BTBD7: variants seen among roughly 807,000 people sequenced by gnomAD.
BTBD7 encodes BTB/POZ domain-containing protein 7.
In BTBD7, 38 loss-of-function variants were observed where a neutral mutation model predicts 99.9. The ratio of observed to expected loss-of-function variants is 0.38; its 90% CI spans 0.29 to 0.50. The LOEUF (loss-of-function observed/expected upper bound fraction) is 0.50. BTBD7 is among the 20% of genes least tolerant of loss of function. BTBD7 has a pLI of 0.93. For missense variants in BTBD7, 1,170 were observed against 1,394.6 expected (o/e 0.84, Z 2.57); for synonymous variants, 520 against 511.4 (o/e 1.02, Z -0.23).
chr14:93,247,641 C>T (rs1044824370), intron 9 of BTBD7, among the ~76,000 whole-genome samples: 7 of 152,314 alleles, frequency 4.6e-5, no homozygotes, highest in African/African-American at 7.2e-5. Flanking sequence ...CCACTGCGCC[C>T]GGCCACATCC....
chr14:93,267,257 GA>G (rs928848307), intron 3 of BTBD7, among the ~76,000 whole-genome samples: 2 of 152,050 alleles, frequency 1.3e-5, no homozygotes, highest in African/African-American at 2.4e-5. Flanking sequence ...GATACAGTAG[GA>G]AAAAAAATGG....
At position 93,329,181 on chromosome 14, in the gene BTBD7, C is replaced by G. The variant is rs865876850; in HGVS notation, c.-107+3639G>C. Among the ~76,000 whole-genome samples the G allele has an allele frequency of 2.0e-5, 3 of 147,408 alleles. No individual in the cohort carries two copies. In the East Asian group the frequency reaches 5.9e-4, roughly 29 times the overall value. ...CATAAGTAACTTCCACACTCAACAA[C>G]AAAAAAAAATCCTAATTAGAAAACA... On this transcript the variant is annotated intron_variant, in intron 1 of 10. Coordinates refer to ENST00000334746, the MANE Select transcript of BTBD7 (RefSeq NM_001002860.4).
At chr14:93,313,578 AATG>A (rs1377810172) in intron 1 of BTBD7, among the ~76,000 whole-genome samples, 1 of 152,160 alleles carries the variant, frequency 6.6e-6, no homozygotes, top group Non-Finnish European at 1.5e-5. Context: ...CAAACTAGAA[AATG>A]ATGGAAATAC....
At chr14:93,267,609 T>G (rs1288480183) in intron 3 of BTBD7, among the ~76,000 whole-genome samples, 1 of 152,222 alleles carries the variant, frequency 6.6e-6, no homozygotes, top group Non-Finnish European at 1.5e-5. Flanking sequence ...CACCTGACTT[T>G]CACATGGATT....
In BTBD7 at chr14:93,239,925, T is replaced by G. The variant is rs2139664070; in HGVS notation, c.*2348A>C. Reference sequence around the variant, plus strand: ...AGTTTTTCTCCCCATCCAAATTAGGTCTGTTGAGTCTTACTTGCAGTACCG... The same window carrying G: ...AGTTTTTCTCCCCATCCAAATTAGGGCTGTTGAGTCTTACTTGCAGTACCG... On this transcript the variant is annotated 3_prime_UTR_variant, in exon 11 of 11. Coordinates refer to ENST00000334746, the MANE Select transcript of BTBD7 (RefSeq NM_001002860.4). 6.6e-6 allele frequency: 1 copy of G among 152,180 alleles called. No homozygotes were observed. The highest frequency in any genetic ancestry group is 2.1e-4 in the South Asian group (1 of 4,818). 9.4% of individuals were successfully genotyped at this position (152,180 alleles called of 1,614,324 possible). A position where few individuals can be genotyped will look rare whatever the true frequency, so the allele number is the denominator to read the frequency against.
intron 3 of BTBD7, among the ~76,000 whole-genome samples, chr14:93,279,608 C>T (rs946339428): frequency 6.6e-6 from 1 of 152,050 alleles, no homozygotes; most frequent in Admixed American, 6.6e-5. Flanking sequence ...AGTGCAGTGG[C>T]GTGATCCCAG....
chr14:93,306,706 T>C (rs1020996292), intron 1 of BTBD7, among the ~76,000 whole-genome samples: 6 of 152,188 alleles, frequency 3.9e-5, no homozygotes, highest in African/African-American at 9.6e-5. Flanking sequence ...CGCAAAGTTA[T>C]TTCTGGCATA....
intron 1 of BTBD7, among the ~76,000 whole-genome samples, chr14:93,303,429 C>A (rs1458212119): frequency 2.0e-5 from 3 of 150,680 alleles, no homozygotes; most frequent in African/African-American, 2.5e-5. Flanking sequence ...CATAGCAAGA[C>A]CCCATCTCAG....
intron 1 of BTBD7, among the ~76,000 whole-genome samples, chr14:93,322,699 C>T (rs1038438231): frequency 6.6e-6 from 1 of 152,174 alleles, no homozygotes; most frequent in African/African-American, 2.4e-5. Context: ...AAAAAGCTAA[C>T]AACCAGACAT....
At chr14:93,253,870 A>G in intron 6 of BTBD7, 80 bp from the exon 7 acceptor site, 1 of 592,236 alleles carries the variant, frequency 1.7e-6, no homozygotes, top group Non-Finnish European at 2.5e-6. Flanking sequence ...ATTTATAACT[A>G]TAAATAAAAA....
intron 3 of BTBD7, among the ~76,000 whole-genome samples, chr14:93,264,224 C>T (rs1013956589): frequency 6.6e-6 from 1 of 152,080 alleles, no homozygotes; most frequent in African/African-American, 2.4e-5. Context: ...GGCAGAGAAT[C>T]CTCCCAAGTT....
intron 1 of BTBD7, among the ~76,000 whole-genome samples, chr14:93,310,958 T>C (rs893346116): frequency 6.6e-6 from 1 of 152,038 alleles, no homozygotes; most frequent in Non-Finnish European, 1.5e-5. Context: ...ATTCTTTCTT[T>C]ATTCACTAGC....
chr14:93,271,351 T>G, intron 3 of BTBD7, among the ~76,000 whole-genome samples: 1 of 151,648 alleles, frequency 6.6e-6, no homozygotes, highest in Non-Finnish European at 1.5e-5. Flanking sequence ...CATATTGAGG[T>G]CGGGGTGGAA....
chr14:93,301,973 G>A (rs771628268), intron 1 of BTBD7, among the ~76,000 whole-genome samples: 5 of 152,216 alleles, frequency 3.3e-5, no homozygotes, highest in Non-Finnish European at 5.9e-5. Context: ...CGCAGGAATT[G>A]ACATCAGGGA....
intron 3 of BTBD7, among the ~76,000 whole-genome samples, chr14:93,273,923 G>C (rs1195317912): frequency 6.6e-6 from 1 of 152,160 alleles, no homozygotes; most frequent in Non-Finnish European, 1.5e-5. Flanking sequence ...ATCCTGTGTT[G>C]GATGAGGTGC....
Position 93,258,783 on chromosome 14 carries a change from C to G in BTBD7, c.1448-1428G>C, listed in dbSNP as rs1296187904. Among the ~76,000 whole-genome samples the G allele has an allele frequency of 2.0e-5, 3 of 152,278 alleles. No homozygotes were observed. In the East Asian group the frequency reaches 5.8e-4, roughly 29 times the overall value. Reference sequence around the variant, plus strand: ...TATTTTTAGTAGAGATGGGGTTTCACCATGTTGGCCAGGCTGGTCTCAAAC... The same window carrying G: ...TATTTTTAGTAGAGATGGGGTTTCAGCATGTTGGCCAGGCTGGTCTCAAAC... On this transcript the variant is annotated intron_variant, in intron 5 of 10. Transcript: ENST00000334746.
At chr14:93,321,636 C>T (rs556908368) in intron 1 of BTBD7, among the ~76,000 whole-genome samples, 11 of 152,254 alleles carry the variant, frequency 7.2e-5, no homozygotes, top group Admixed American at 5.9e-4. Context: ...CATAGTGGGG[C>T]AAACTGTTGA....
In BTBD7 at chr14:93,293,905, T is replaced by C; in HGVS notation, c.1115A>G (p.Glu372Gly). 1 of 1,613,798 alleles carries C rather than the reference T, an allele frequency of 6.2e-7. No individual in the cohort carries two copies. Among genetic ancestry groups the C allele is most frequent in the Non-Finnish European group, 8.5e-7 (1 of 1,179,858 alleles). The change falls in exon 3 of 11, where the codon GAA becomes GGA. Residue 372 changes from glutamate to glycine, a missense_variant. Physicochemically the swap from Glu to Gly is moderately conservative, Grantham distance 98 (BLOSUM62 -2). Coordinates refer to ENST00000334746, the MANE Select transcript of BTBD7 (RefSeq NM_001002860.4). ...PNMTRAEEAM[E>G]LYHIALFLEF... is the part of the protein sequence containing the mutation. ...CAAGAACAGTGCTATGTGGTAAAGT[T>C]CCATGGCTTCTTCTGCCCTGGTCAT...
intron 3 of BTBD7, chr14:93,288,402 A>C: frequency 3.1e-6 from 2 of 645,170 alleles, no homozygotes; most frequent in Admixed American, 5.3e-5. Context: ...TATATCTTTC[A>C]TTTCTGCTAT....
Sources: gnomAD v4.1 joint callset for allele counts (sites outside exome capture counted in the v4.1 genomes callset) on GRCh38, gnomAD v4.1.1 for gene constraint, MANE v1.5 for transcripts, NCBI Gene and HGNC (gene_info 2026-07-23, HGNC 2026-07-21) for gene names.